Variants in FNIP2 observed in about 807,000 individuals in gnomAD.
The protein encoded by FNIP2 is folliculin-interacting protein 2.
FNIP2 carries 32 observed loss-of-function variants against 108.7 expected under a neutral mutation model. The ratio of observed to expected loss-of-function variants is 0.29; its 90% confidence interval spans 0.22 to 0.40. FNIP2 has a LOEUF of 0.40. FNIP2 is among the 10% of genes least tolerant of loss of function. FNIP2 has a pLI of 1.00. For missense variants in FNIP2, 1,202 were observed against 1,381.6 expected (o/e 0.87, Z 2.06); for synonymous variants, 480 against 496.7 (o/e 0.97, Z 0.45).
At chr4:158,785,698 T>TTTTC (rs1388471174) in intron 1 of FNIP2, among the ~76,000 whole-genome samples, 1 of 142,624 alleles carries the variant, frequency 7.0e-6, no homozygotes, top group Non-Finnish European at 1.5e-5. Flanking sequence ...TCTTTTTTCT[T>TTTTC]TTTCTTTCTT....
At position 158,861,499 on chromosome 4, in the gene FNIP2, A is replaced by G. The variant is rs763298961; in HGVS notation, c.1295+11A>G. ...GATAAATAAAAACCAGTAAGCTTCA[A>G]CTCTCTGGAGACTTGTATGCAAATC... On this transcript the variant is annotated intron_variant, in intron 11 of 16. Transcript: ENST00000264433. 5 of 1,613,664 alleles carry G rather than the reference A, an allele frequency of 3.1e-6. No individual in the cohort carries two copies. Among genetic ancestry groups the G allele is most frequent in the Admixed American group, 1.7e-5 (1 of 59,952 alleles).
rs1418229809 is a variant in FNIP2 at position 158,906,664 on chromosome 4, C to T, written c.*2120C>T. The stretch of plus-strand genomic sequence containing the variant: ...ATGTGGGGGCTGTCTCCGTGACACT[C>T]AGGATTCCAGTCAGAACCTAATCCT... On this transcript the variant is annotated 3_prime_UTR_variant, in exon 17 of 17. Transcript: ENST00000264433. The T allele has an allele frequency of 6.6e-6, 1 of 152,192 alleles. No homozygotes were observed. The highest frequency in any genetic ancestry group is 1.5e-5 in the Non-Finnish European group (1 of 68,046). 9.4% of individuals were successfully genotyped at this position (152,192 alleles called of 1,614,324 possible). A position where few individuals can be genotyped will look rare whatever the true frequency, so the allele number is the denominator to read the frequency against.
intron 1 of FNIP2, among the ~76,000 whole-genome samples, chr4:158,797,176 A>G (rs536110187): frequency 1.1e-4 from 17 of 152,344 alleles, no homozygotes; most frequent in East Asian, 1.9e-4. Flanking sequence ...AATGTATTGC[A>G]TGAGAAACCT....
At chr4:158,822,678 T>G (rs1777950132) in intron 1 of FNIP2, among the ~76,000 whole-genome samples, 1 of 152,112 alleles carries the variant, frequency 6.6e-6, no homozygotes, top group African/African-American at 2.4e-5. Flanking sequence ...TTAAAAAATT[T>G]TAAACAGTCT....
rs372078616 is a variant in FNIP2, at chr4:158,869,081, C to T, written c.2445C>T (p.His815=). The T allele has an allele frequency of 1.1e-4, 175 of 1,613,872 alleles. No homozygotes were observed. Among genetic ancestry groups the T allele is most frequent in the South Asian group, 1.8e-4 (16 of 91,086 alleles). Residue 815 remains histidine, a synonymous_variant, in exon 13 of 17, where the codon CAC becomes CAT. Transcript: ENST00000264433. ...CAGATATTGCTGGGCAGCTCAGCCA[C>T]GCTGCTGACTTGGGCACAGCCTCCC... ...MAADIAGQLS[H]AADLGTASHG... is the part of the protein sequence containing the mutation.
intron 1 of FNIP2, 60 bp downstream of exon 1, chr4:158,769,379 G>T: frequency 8.3e-7 from 1 of 1,209,884 alleles, no homozygotes. Context: ...GGTGCTCGCC[G>T]GGGAGGGGAC....
At chr4:158,828,550 G>A (rs183327393) in intron 2 of FNIP2, among the ~76,000 whole-genome samples, 61 of 152,192 alleles carry the variant, frequency 4.0e-4, no homozygotes, top group African/African-American at 1.4e-3. Context: ...CGGGAGGCAC[G>A]GGTTGCAGTG....
At chr4:158,774,300 CTTG>C (rs972354347) in intron 1 of FNIP2, among the ~76,000 whole-genome samples, 1 of 152,028 alleles carries the variant, frequency 6.6e-6, no homozygotes, top group African/African-American at 2.4e-5. Context: ...GTGTTTTATT[CTTG>C]TTGGTATTTT....
chr4:158,839,488 C>A (rs975998105), intron 7 of FNIP2, among the ~76,000 whole-genome samples: 1 of 152,120 alleles, frequency 6.6e-6, no homozygotes, highest in Non-Finnish European at 1.5e-5. Flanking sequence ...TCCTCAGCGC[C>A]CTGAGTAGCT....
intron 1 of FNIP2, among the ~76,000 whole-genome samples, chr4:158,804,613 A>T (rs112702150): frequency 0.046 from 7,015 of 152,082 alleles, 408 homozygotes; most frequent in African/African-American, 0.14. Flanking sequence ...AGGTCTTGCT[A>T]TGTTGCCCAG....
chr4:158,806,351 C>T (rs1008183861), intron 1 of FNIP2: 116 of 1,289,190 alleles, frequency 9.0e-5, no homozygotes, highest in East Asian at 1.1e-4. Context: ...ATTTACAGGG[C>T]GCTTTTATGC....
At chr4:158,843,143 C>A (rs1430941775) in intron 7 of FNIP2, among the ~76,000 whole-genome samples, 1 of 152,046 alleles carries the variant, frequency 6.6e-6, no homozygotes, top group East Asian at 1.9e-4. Flanking sequence ...GGATGTAATA[C>A]CCCCTGCGTC....
chr4:158,802,272 C>T (rs1271937441), intron 1 of FNIP2, among the ~76,000 whole-genome samples: 3 of 152,110 alleles, frequency 2.0e-5, no homozygotes, highest in African/African-American at 7.2e-5. Context: ...AGAGGAGGAT[C>T]ATTTGTGATG....
rs541287988 is a variant in FNIP2, at chr4:158,847,032, G to C, written c.728-4289G>C. ...GCCAACACCAGGCAGAGCTCAGCTG[G>C]TGCCCACGGAGCACTTACTCCAGCC... is the stretch of plus-strand genomic sequence containing the variant. On this transcript the variant is annotated intron_variant, in intron 7 of 16. Coordinates refer to ENST00000264433, the MANE Select transcript of FNIP2 (RefSeq NM_020840.3). Among the ~76,000 whole-genome samples the C allele has an allele frequency of 1.1e-4, 17 of 152,288 alleles. No individual in the cohort carries two copies. The South Asian group carries it at 3.5e-3, about 32-fold the overall frequency.
At chr4:158,810,509 G>A (rs982093424) in intron 1 of FNIP2, among the ~76,000 whole-genome samples, 3 of 152,194 alleles carry the variant, frequency 2.0e-5, no homozygotes, top group African/African-American at 4.8e-5. Flanking sequence ...GAGATTTTGA[G>A]ATATAATTCC....
At chr4:158,895,600 G>C (rs1782599003) in intron 15 of FNIP2, 150 bp from the exon 16 acceptor site, 1 of 600,304 alleles carries the variant, frequency 1.7e-6, no homozygotes, top group Admixed American at 2.7e-5. Context: ...TAGTGGTAGG[G>C]TTTGAGATGG....
intron 6 of FNIP2, 40 bp downstream of exon 6, chr4:158,833,668 A>G (rs1295575511): frequency 1.3e-6 from 2 of 1,539,596 alleles, no homozygotes; most frequent in South Asian, 2.2e-5. Flanking sequence ...CTTTCTGAAT[A>G]CACTATTGTG....
chr4:158,889,929 T>G, intron 14 of FNIP2: 3 of 985,364 alleles, frequency 3.0e-6, no homozygotes, highest in Non-Finnish European at 3.6e-6. Flanking sequence ...CACTGAAGCC[T>G]TGTATCTTTA....
chr4:158,781,503 A>G (rs535716868), intron 1 of FNIP2, among the ~76,000 whole-genome samples: 2 of 152,032 alleles, frequency 1.3e-5, no homozygotes, highest in Non-Finnish European at 2.9e-5. Context: ...CCTTTGTTAC[A>G]GATTTACATT....
Sources: allele counts gnomAD v4.1 joint callset (sites outside exome capture counted in the v4.1 genomes callset), GRCh38; gene constraint gnomAD v4.1.1; transcripts MANE v1.5; gene names NCBI Gene and HGNC (gene_info 2026-07-23, HGNC 2026-07-21).